The following C1QTNF8 variants were observed in gnomAD, a reference collection of about 807,000 sequenced individuals.
The protein encoded by C1QTNF8 is complement C1q tumor necrosis factor-related protein 8.
In C1QTNF8, 27 loss-of-function variants were observed where a neutral mutation model predicts 19.2. The observed-to-expected ratio is 1.41, with a 90% confidence interval of 1.04 to 1.94. The LOEUF (loss-of-function observed/expected upper bound fraction) is 1.94. Among genes scored for constraint, C1QTNF8 ranks in the 30% most tolerant of loss-of-function variants. The pLI, the probability that C1QTNF8 is intolerant of heterozygous loss-of-function variation, is 0.00. For synonymous variants in C1QTNF8, 208 were observed against 172.8 expected (o/e 1.20, Z -1.60); for missense variants, 484 against 374.4 (o/e 1.29, Z -2.42).
rs574768682 is a variant in C1QTNF8, at chr16:1,089,165, G to A, written c.*1434C>T. ...TTCCCCAGCACAGAACAGGCAGCCT[G>A]CGAGAGGAGATGTCCTCCCTGGCCC... On this transcript the variant is annotated 3_prime_UTR_variant, in exon 5 of 5. Transcript: ENST00000328449. Among the ~76,000 whole-genome samples the A allele has an allele frequency of 6.6e-6, 1 of 152,276 alleles. No individual in the cohort carries two copies. Among genetic ancestry groups the A allele is most frequent in the African/African-American group, 2.4e-5 (1 of 41,548 alleles).
Position 1,093,456 on chromosome 16 carries a change from A to ACACACACGCGCG in C1QTNF8, c.*4+40_*4+41insCGCGCGTGTGTG, listed in dbSNP as rs1555492668. 225 of 1,159,872 alleles carry ACACACACGCGCG rather than the reference A, an allele frequency of 1.9e-4. 11 individuals carry two copies. The African/African-American group carries it at 4.3e-3, about 22-fold the overall frequency. 71.8% of individuals were successfully genotyped at this position (1,159,872 alleles called of 1,614,324 possible). A position where few individuals can be genotyped will look rare whatever the true frequency, so the allele number is the denominator to read the frequency against. ...CACACACACACAGACACACACACAC[A>ACACACACGCGCG]CGCGCGCGCGCGCCCGGTGCTCAGC... On this transcript the variant is annotated intron_variant, in intron 4 of 4. Transcript: ENST00000328449.
In C1QTNF8 at chr16:1,088,882, G is replaced by T. The variant is rs954900151; in HGVS notation, c.*1717C>A. Among the ~76,000 whole-genome samples the T allele has an allele frequency of 4.6e-5, 6 of 130,234 alleles. No individual in the cohort carries two copies. Among genetic ancestry groups the T allele is most frequent in the African/African-American group, 1.9e-4 (6 of 31,962 alleles). The allele number at this position is 130,234 out of a possible 152,430, so 85.4% of individuals were successfully genotyped here. ...GCCACGGCGACGTCTGTGCGGGGAG[G>T]TCCAGCCTGTCCCTCGGAATAAGCG... On this transcript the variant is annotated 3_prime_UTR_variant, in exon 5 of 5. Coordinates refer to ENST00000328449, the MANE Select transcript of C1QTNF8 (RefSeq NM_207419.3).
At position 1,088,833 on chromosome 16, in the gene C1QTNF8, A is replaced by G. The variant is rs1262694459; in HGVS notation, c.*1766T>C. On this transcript the variant is annotated 3_prime_UTR_variant, in exon 5 of 5. Transcript: ENST00000328449. ...CGCCTGACCCCTGCTGCTTCTTAGT[A>G]TCCGCAGCTGCAACTACCTATAGGC... Among the ~76,000 whole-genome samples the G allele has an allele frequency of 8.4e-5, 3 of 35,594 alleles. No homozygotes were observed. Among genetic ancestry groups the G allele is most frequent in the Non-Finnish European group, 1.8e-4 (3 of 16,788 alleles). The allele number at this position is 35,594 out of a possible 152,430, so 23.4% of individuals were successfully genotyped here.
chr16:1,091,067 G>A (rs1275182918), intron 4 of C1QTNF8, among the ~76,000 whole-genome samples: 1 of 152,172 alleles, frequency 6.6e-6, no homozygotes, highest in African/African-American at 2.4e-5. Flanking sequence ...TGTGGGGAGG[G>A]AGTGGGGGCA....
chr16:1,088,732 A>G lies in C1QTNF8; in HGVS notation c.*1867T>C. Among the ~76,000 whole-genome samples the G allele has an allele frequency of 1.8e-5, 1 of 57,084 alleles. No homozygotes were observed. The highest frequency in any genetic ancestry group is 0.011 in the Middle Eastern group (1 of 94). 37.4% of individuals were successfully genotyped at this position (57,084 alleles called of 152,430 possible). A position where few individuals can be genotyped will look rare whatever the true frequency, so the allele number is the denominator to read the frequency against. On this transcript the variant is annotated 3_prime_UTR_variant, in exon 5 of 5. Transcript: ENST00000328449. The stretch of plus-strand genomic sequence containing the variant: ...AGAACCAGGGTCGCCACTGGCATTC[A>G]TTAGACACCCCCGCCAGCTTCCAAG...
Position 1,094,947 on chromosome 16 carries a change from AAG to A in C1QTNF8, c.-11-16_-11-15del, listed in dbSNP as rs1960653741. On this transcript the variant is annotated splice_polypyrimidine_tract_variant and intron_variant, in intron 2 of 4. Transcript: ENST00000328449. ...TCTTGGCCAGGGCTGGGGGAGAGGA[AAG>A]AGGGGAGGGACTGAGAAGGAGGTGC... is the stretch of plus-strand genomic sequence containing the variant. 7 of 1,163,642 alleles carry A rather than the reference AAG, an allele frequency of 6.0e-6. No individual in the cohort carries two copies. The highest frequency in any genetic ancestry group is 1.6e-5 in the African/African-American group (1 of 62,300). The allele number at this position is 1,163,642 out of a possible 1,614,324, so 72.1% of individuals were successfully genotyped here. A position where few individuals can be genotyped will look rare whatever the true frequency, so the allele number is the denominator to read the frequency against.
chr16:1,096,021 T>A (rs1395695634), intron 1 of C1QTNF8, 135 bp downstream of exon 1: 1 of 152,512 alleles, frequency 6.6e-6, no homozygotes, highest in African/African-American at 2.4e-5. Context: ...TGGCCCTGCC[T>A]GGCAGACAAT....
intron 4 of C1QTNF8, among the ~76,000 whole-genome samples, chr16:1,092,164 T>G (rs181253801): frequency 2.4e-4 from 37 of 152,326 alleles, no homozygotes; most frequent in Admixed American, 6.5e-4. Context: ...CTTCATGTGG[T>G]CCTTTCCTGT....
rs1438406745 is a variant in C1QTNF8 at position 1,093,915 on chromosome 16, G to A, written c.345C>T (p.Ala115=). 45 of 1,525,940 alleles carry A rather than the reference G, an allele frequency of 2.9e-5. No homozygotes were observed. Among genetic ancestry groups the A allele is most frequent in the Non-Finnish European group, 3.9e-5 (45 of 1,148,224 alleles). 94.5% of individuals were successfully genotyped at this position (1,525,940 alleles called of 1,614,324 possible). The part of the protein sequence containing the change: ...VGPPGAACRR[A]YAAFSVGRRE... ...GCCGGCCCACGGAGAAGGCGGCGTA[G>A]GCACGTCGGCACGCGGCGCCCGGCG... The change falls in exon 4 of 5, where the codon GCC becomes GCT. Residue 115 remains alanine (A), a synonymous_variant. Transcript: ENST00000328449.
chr16:1,090,074 C>A lies in C1QTNF8; in HGVS notation c.*525G>T, dbSNP rs61017797. 0.014 allele frequency: 2,193 copies of A among 152,502 alleles called. 54 individuals are homozygous for A. Among genetic ancestry groups the A allele is most frequent in the African/African-American group, 0.049 (2,045 of 41,538 alleles). 9.4% of individuals were successfully genotyped at this position (152,502 alleles called of 1,614,324 possible). ...AGTGCCCCTCCTGTCTCTAGCAGGGCCAGGGTTCACCAGCCACGGCCACCG... is the reference window on the plus strand; with the variant it reads ...AGTGCCCCTCCTGTCTCTAGCAGGGACAGGGTTCACCAGCCACGGCCACCG... On this transcript the variant is annotated 3_prime_UTR_variant, in exon 5 of 5. Coordinates refer to ENST00000328449, the MANE Select transcript of C1QTNF8 (RefSeq NM_207419.3).
intron 4 of C1QTNF8, among the ~76,000 whole-genome samples, chr16:1,092,140 C>T (rs1293839455): frequency 6.6e-6 from 1 of 152,228 alleles, no homozygotes; most frequent in Non-Finnish European, 1.5e-5. Flanking sequence ...TACCACAGGC[C>T]TCCGTCCATG....
Position 1,093,628 on chromosome 16 carries a change from A to G in C1QTNF8, c.632T>C (p.Leu211Pro). The G allele has an allele frequency of 6.2e-7, 1 of 1,608,598 alleles. No individual in the cohort carries two copies. Among genetic ancestry groups the G allele is most frequent in the Non-Finnish European group, 8.5e-7 (1 of 1,177,678 alleles). ...CACCCAGACGGCGTCGCCCGCCGCC[A>G]GCAGCAGCATCAGGCTCTGGGCCTG... ...VMQAQSLMLL[L>P]AAGDAVWVRM... Residue 211 changes from leucine (L) to proline (P), a missense_variant, in exon 4 of 5, where the codon CTG becomes CCG. Transcript: ENST00000328449.
At chr16:1,091,245 CTCT>C (rs1960537627) in intron 4 of C1QTNF8, among the ~76,000 whole-genome samples, 1 of 152,134 alleles carries the variant, frequency 6.6e-6, no homozygotes, top group African/African-American at 2.4e-5. Context: ...CCTGTGGGGG[CTCT>C]CCTGCCCCCA....
In C1QTNF8 at chr16:1,093,599, T is replaced by G; in HGVS notation, c.661A>C (p.Met221Leu). The change falls in exon 4 of 5, where the codon ATG (methionine) becomes CTG (leucine). Residue 221 changes from methionine to leucine, a missense_variant. By Grantham distance (15) the Met-to-Leu change is conservative (BLOSUM62 2). Coordinates refer to ENST00000328449, the MANE Select transcript of C1QTNF8 (RefSeq NM_207419.3). ...GCGTTGTCCCGGTCGCGCTGGAACATGCGCACCCAGACGGCGTCGCCCGCC... is the reference window on the plus strand; with the variant it reads ...GCGTTGTCCCGGTCGCGCTGGAACAGGCGCACCCAGACGGCGTCGCCCGCC... The part of the protein sequence containing the change: ...LAAGDAVWVR[M>L]FQRDRDNAIY... 6.2e-7 allele frequency: 1 copy of G among 1,603,038 alleles called. No individual in the cohort carries two copies. Among genetic ancestry groups the G allele is most frequent in the Non-Finnish European group, 8.5e-7 (1 of 1,175,196 alleles).
At chr16:1,095,000 G>A (rs1366942333) in intron 2 of C1QTNF8, 67 bp from the exon 3 acceptor site, 11 of 672,204 alleles carry the variant, frequency 1.6e-5, no homozygotes, top group East Asian at 6.9e-5. Context: ...CAGACCCTAC[G>A]GCAGCCCGGC....
intron 4 of C1QTNF8, among the ~76,000 whole-genome samples, chr16:1,091,180 G>T (rs1007377238): frequency 6.6e-6 from 1 of 152,078 alleles, no homozygotes; most frequent in East Asian, 1.9e-4. Context: ...CTGGGACCCC[G>T]CATCCCTTCA....
At position 1,093,760 on chromosome 16, in the gene C1QTNF8, C is replaced by T. The variant is rs1416132004; in HGVS notation, c.500G>A (p.Ser167Asn). Residue 167 changes from serine (S) to asparagine (N), a missense_variant, in exon 4 of 5, where the codon AGC becomes AAC. By Grantham distance (46) the Ser-to-Asn change is conservative (BLOSUM62 1). Coordinates refer to ENST00000328449, the MANE Select transcript of C1QTNF8 (RefSeq NM_207419.3). Reference sequence around the variant, plus strand: ...GTAGTTCCAGGTGTGCACGTTGAGGCTGAGGAAGTAGACGCCGGGCACCGT... The same window carrying T: ...GTAGTTCCAGGTGTGCACGTTGAGGTTGAGGAAGTAGACGCCGGGCACCGT... ...LCTVPGVYFL[S>N]LNVHTWNYKE... The T allele has an allele frequency of 6.2e-7, 1 of 1,612,150 alleles. No homozygotes were observed. The highest frequency in any genetic ancestry group is 8.5e-7 in the Non-Finnish European group (1 of 1,179,718).
Position 1,093,500 on chromosome 16 carries a change from G to A in C1QTNF8, c.*1C>T, listed in dbSNP as rs113157415. On this transcript the variant is annotated 3_prime_UTR_variant, in exon 4 of 5. Transcript: ENST00000328449. ...GCTCAGCCGCGGGGCCCCTCACCCGGCTACAGCTCGGCGGCCGGCTTGACC... is the reference window on the plus strand; with the variant it reads ...GCTCAGCCGCGGGGCCCCTCACCCGACTACAGCTCGGCGGCCGGCTTGACC... 75,375 of 1,511,908 alleles carry A rather than the reference G, an allele frequency of 0.05. 5,979 individuals are homozygous for A. Among genetic ancestry groups the A allele is most frequent in the African/African-American group, 0.36 (24,837 of 68,474 alleles). The allele number at this position is 1,511,908 out of a possible 1,614,324, so 93.7% of individuals were successfully genotyped here. A position where few individuals can be genotyped will look rare whatever the true frequency, so the allele number is the denominator to read the frequency against.
chr16:1,092,612 A>C (rs35596304), intron 4 of C1QTNF8, among the ~76,000 whole-genome samples: 23 of 43,756 alleles, frequency 5.3e-4, no homozygotes, highest in Admixed American at 1.2e-3. Context: ...TCAACAAATC[A>C]CTGCACACAG....
Sources: gnomAD v4.1 joint callset for allele counts (sites outside exome capture counted in the v4.1 genomes callset) on GRCh38, gnomAD v4.1.1 for gene constraint, MANE v1.5 for transcripts, NCBI Gene and HGNC (gene_info 2026-07-23, HGNC 2026-07-21) for gene names.